Variants in PSD3 observed in about 807,000 individuals in gnomAD.
PSD3 encodes PH and SEC7 domain-containing protein 3.
A neutral mutation model predicts 105.5 loss-of-function variants in PSD3; 49 were observed. The ratio of observed to expected loss-of-function variants is 0.46; its 90% CI spans 0.37 to 0.59. The LOEUF is 0.59. Ranked by LOEUF, PSD3 falls within the 20% of genes least tolerant of loss-of-function variation. PSD3 has a pLI of 0.00. For missense variants in PSD3, 1,561 were observed against 1,263.8 expected (o/e 1.24, Z -3.57); for synonymous variants, 557 against 457.8 (o/e 1.22, Z -2.77).
chr8:18,749,716 G>C (rs1251947831), intron 9 of PSD3, among the ~76,000 whole-genome samples: 1 of 152,098 alleles, frequency 6.6e-6, no homozygotes, highest in Non-Finnish European at 1.5e-5. Flanking sequence ...AGGATGAGGA[G>C]GTCAGACAGT....
chr8:18,595,038 A>C (rs1803986313), intron 12 of PSD3, among the ~76,000 whole-genome samples: 1 of 151,758 alleles, frequency 6.6e-6, no homozygotes. Flanking sequence ...CTGGTATAGA[A>C]ATTTTAAAAA....
At position 18,928,970 on chromosome 8, in the gene PSD3, A is replaced by G. The variant is rs201996494; in HGVS notation, c.130+7064T>C. 9.9e-5 allele frequency among the ~76,000 whole-genome samples: 15 copies of G among 152,246 alleles called. No homozygotes were observed. The East Asian group carries it at 2.5e-3, about 26-fold the overall frequency. On this transcript the variant is annotated intron_variant, in intron 2 of 15. Transcript: ENST00000327040. ...GCAGCTGGAACTACAGGAAGGAGCC[A>G]CCAACAAGTCTTTTGTTTTTAAGAT...
At chr8:18,827,638 G>C (rs1015590388) in intron 4 of PSD3, among the ~76,000 whole-genome samples, 6 of 152,160 alleles carry the variant, frequency 3.9e-5, no homozygotes, top group African/African-American at 1.4e-4. Context: ...TTAAGAGGGT[G>C]AGACTGAAGA....
chr8:18,911,882 C>T (rs922649274), intron 2 of PSD3, among the ~76,000 whole-genome samples: 5 of 152,134 alleles, frequency 3.3e-5, no homozygotes, highest in African/African-American at 1.2e-4. Context: ...AAATATCTTA[C>T]ACATTTTGTC....
intron 10 of PSD3, among the ~76,000 whole-genome samples, chr8:18,633,323 C>G (rs1354562020): frequency 6.6e-6 from 1 of 151,932 alleles, no homozygotes; most frequent in Non-Finnish European, 1.5e-5. Context: ...CAGGCTAGTC[C>G]CTAATATTAA....
intron 1 of PSD3, among the ~76,000 whole-genome samples, chr8:19,079,814 A>G (rs75245944): frequency 6.6e-6 from 1 of 151,996 alleles, no homozygotes; most frequent in East Asian, 1.9e-4. Context: ...AGCTCACTCT[A>G]TAGGTAAGTT....
At chr8:18,879,399 TGGAACAGACG>T (rs1186825399) in intron 2 of PSD3, among the ~76,000 whole-genome samples, 1 of 152,140 alleles carries the variant, frequency 6.6e-6, no homozygotes, top group East Asian at 1.9e-4. Context: ...TTCTAAGAAC[TGGAACAGACG>T]GGGGGAGACA....
intron 10 of PSD3, among the ~76,000 whole-genome samples, chr8:18,640,524 A>C (rs1807568582): frequency 6.6e-6 from 1 of 152,072 alleles, no homozygotes; most frequent in Non-Finnish European, 1.5e-5. Flanking sequence ...AAGGCCCTTC[A>C]CCTTCACTTG....
intron 12 of PSD3, among the ~76,000 whole-genome samples, chr8:18,582,037 T>A (rs1009008263): frequency 5.3e-5 from 8 of 152,098 alleles, no homozygotes; most frequent in African/African-American, 1.9e-4. Flanking sequence ...GATAAGGACT[T>A]ACTTTACTTT....
At chr8:18,732,858 C>A (rs1803869792) in intron 9 of PSD3, 1 of 151,764 alleles carries the variant, frequency 6.6e-6, no homozygotes, top group South Asian at 2.1e-4. Context: ...CTACCACAAG[C>A]CCCACTATTG....
intron 1 of PSD3, among the ~76,000 whole-genome samples, chr8:19,031,525 T>C (rs945503366): frequency 2.2e-4 from 33 of 151,560 alleles, no homozygotes; most frequent in Admixed American, 1.9e-3. Flanking sequence ...TGAGCTGACC[T>C]CTGCTTTTTG....
At chr8:18,796,589 T>G (rs1320812818) in intron 8 of PSD3, among the ~76,000 whole-genome samples, 2 of 152,216 alleles carry the variant, frequency 1.3e-5, no homozygotes, top group Admixed American at 1.3e-4. Flanking sequence ...CCCATATTAA[T>G]GCATTCTCAG....
At chr8:18,976,054 T>A (rs1277450849) in intron 1 of PSD3, among the ~76,000 whole-genome samples, 1 of 152,144 alleles carries the variant, frequency 6.6e-6, no homozygotes. Flanking sequence ...TTGACAGCAT[T>A]GTAATGAAAA....
At chr8:18,905,127 A>T (rs555679322) in intron 2 of PSD3, among the ~76,000 whole-genome samples, 9 of 152,328 alleles carry the variant, frequency 5.9e-5, no homozygotes, top group Admixed American at 5.9e-4. Context: ...CTGGATGAAG[A>T]ATCCAAGCTG....
intron 11 of PSD3, among the ~76,000 whole-genome samples, chr8:18,603,900 G>A (rs1281320719): frequency 6.6e-6 from 1 of 152,126 alleles, no homozygotes; most frequent in Non-Finnish European, 1.5e-5. Flanking sequence ...CTGAACAGAT[G>A]CCAACATCAT....
chr8:18,986,245 A>G (rs1025003619), intron 1 of PSD3, among the ~76,000 whole-genome samples: 1 of 152,210 alleles, frequency 6.6e-6, no homozygotes, highest in Non-Finnish European at 1.5e-5. Context: ...AATGACTGTC[A>G]TTAGAACTTC....
At chr8:18,903,470 CA>C (rs772306829) in intron 2 of PSD3, among the ~76,000 whole-genome samples, 1 of 152,052 alleles carries the variant, frequency 6.6e-6, no homozygotes, top group Non-Finnish European at 1.5e-5. Context: ...TTGATGATTC[CA>C]TTCCTCAAGA....
At chr8:19,055,418 T>A (rs1441082683) in intron 1 of PSD3, among the ~76,000 whole-genome samples, 2 of 152,148 alleles carry the variant, frequency 1.3e-5, no homozygotes, top group Non-Finnish European at 2.9e-5. Context: ...GACGCTCAGC[T>A]AATTGTGTAT....
At chr8:18,600,489 G>T in intron 11 of PSD3, 55 bp from the exon 12 acceptor site, 6 of 1,325,254 alleles carry the variant, frequency 4.5e-6, no homozygotes, top group South Asian at 3.8e-5. Flanking sequence ...TTTAGAAAGA[G>T]AATCTAAATG....
Sources: allele counts gnomAD v4.1 joint callset (sites outside exome capture counted in the v4.1 genomes callset), GRCh38; gene constraint gnomAD v4.1.1; transcripts MANE v1.5; gene names NCBI Gene and HGNC (gene_info 2026-07-23, HGNC 2026-07-21).